DNAH5: variants seen among roughly 807,000 people sequenced by gnomAD.
DNAH5 encodes dynein axonemal heavy chain 5, also known as axonemal beta dynein heavy chain 5.
Under a neutral mutation model 518.2 loss-of-function variants are expected in DNAH5, and 372 were observed. That is an observed-to-expected ratio of 0.72 (90% CI 0.66 to 0.78). The LOEUF (loss-of-function observed/expected upper bound fraction) is 0.78. Among genes scored for constraint, DNAH5 ranks in the 30% least tolerant of loss-of-function variants. The pLI is 0.00. For synonymous variants in DNAH5, 2,039 were observed against 2,025.9 expected, an observed-to-expected ratio of 1.01 and a Z score of -0.17; for missense variants, 5,523 against 5,687.0, an observed-to-expected ratio of 0.97 and a Z score of 0.93.
At chr5:13,864,796 G>C (rs1175868815) in intron 27 of DNAH5, among the ~76,000 whole-genome samples, 159 bp from the exon 28 acceptor site, 1 of 152,056 alleles carries the variant, frequency 6.6e-6, no homozygotes, top group Non-Finnish European at 1.5e-5. Flanking sequence ...ATAATATACA[G>C]ATGACTTTTA....
chr5:13,782,761 C>T (rs1476692012), intron 52 of DNAH5, among the ~76,000 whole-genome samples: 1 of 152,220 alleles, frequency 6.6e-6, no homozygotes. Context: ...ACCCTCAAAA[C>T]ATATCTGACA....
chr5:13,744,426 T>C (rs1749047212), intron 65 of DNAH5, among the ~76,000 whole-genome samples: 2 of 152,016 alleles, frequency 1.3e-5, no homozygotes, highest in Admixed American at 6.6e-5. Flanking sequence ...TTTTATAGCA[T>C]TACAGGATGA....
intron 4 of DNAH5, 46 bp downstream of exon 4, chr5:13,923,234 T>G: frequency 6.2e-7 from 1 of 1,608,686 alleles, no homozygotes; most frequent in Non-Finnish European, 8.5e-7. Flanking sequence ...GTGCAAGTTG[T>G]GTGTTTTTTG....
In DNAH5 at chr5:13,847,096, A is replaced by G. The variant is rs959564071; in HGVS notation, c.5115-2103T>C. 5.3e-5 allele frequency among the ~76,000 whole-genome samples: 8 copies of G among 152,156 alleles called. No homozygotes were observed. In the East Asian group the frequency reaches 1.5e-3, roughly 29 times the overall value. ...CAGCCAAACTCCTGAGACGGTATAG[A>G]GAAGATACCTTATCTTCACGGACAC... On this transcript the variant is annotated intron_variant, in intron 31 of 78. Coordinates refer to ENST00000265104, the MANE Select transcript of DNAH5 (RefSeq NM_001369.3).
chr5:13,758,512 A>T (rs1410560402), intron 61 of DNAH5, among the ~76,000 whole-genome samples: 1 of 152,322 alleles, frequency 6.6e-6, no homozygotes, highest in East Asian at 1.9e-4. Flanking sequence ...AAATAAATAA[A>T]TAAACCCACC....
intron 78 of DNAH5, among the ~76,000 whole-genome samples, chr5:13,698,703 C>G (rs1443683005): frequency 6.6e-6 from 1 of 152,024 alleles, no homozygotes; most frequent in South Asian, 2.1e-4. Flanking sequence ...GGAAAAAGTA[C>G]CCCCCAAAAA....
intron 1 of DNAH5, among the ~76,000 whole-genome samples, chr5:13,942,411 G>A (rs959482695): frequency 3.9e-5 from 6 of 151,998 alleles, no homozygotes; most frequent in East Asian, 1.9e-4. Context: ...GGTCATTTTC[G>A]ATCATGAAGT....
upstream of DNAH5, among the ~76,000 whole-genome samples, chr5:13,949,416 CA>C (rs1341511767): frequency 2.0e-5 from 3 of 152,158 alleles, no homozygotes; most frequent in Non-Finnish European, 4.4e-5. Context: ...GCTATACTCA[CA>C]AAAGAAGATA....
In DNAH5 at chr5:13,867,480, GT is replaced by G. The variant is rs142198778; in HGVS notation, c.4053+293del. 2.0e-3 allele frequency among the ~76,000 whole-genome samples: 307 copies of G among 152,194 alleles called. 2 individuals are homozygous for G. The highest frequency in any genetic ancestry group is 7.2e-3 in the African/African-American group (300 of 41,532). On this transcript the variant is annotated intron_variant, in intron 25 of 78. Transcript: ENST00000265104. ...CCTTTGCCTTCCACCATGATTGTAA[GT>G]TTCGTGAGGCCTCCCAAGCCATGCT...
At chr5:13,810,283 T>A in intron 44 of DNAH5, 23 bp from the exon 45 acceptor site, 1 of 1,546,630 alleles carries the variant, frequency 6.5e-7, no homozygotes, top group Non-Finnish European at 8.7e-7. Context: ...GACACTTTTT[T>A]TTAATAACTT....
chr5:13,960,492 G>A (rs1054116379), intron 1 of DNAH5, among the ~76,000 whole-genome samples: 5 of 152,192 alleles, frequency 3.3e-5, no homozygotes, highest in Non-Finnish European at 7.3e-5. Flanking sequence ...GAACACAGAC[G>A]TATTTATTCA....
chr5:13,873,754 G>T (rs1770476453), intron 22 of DNAH5, among the ~76,000 whole-genome samples: 1 of 152,076 alleles, frequency 6.6e-6, no homozygotes, highest in South Asian at 2.1e-4. Flanking sequence ...TCTCATCTCG[G>T]CCTCCTAAAG....
rs951244009 is a variant in DNAH5, at chr5:13,698,797, T to C, written c.13723+1843A>G. On this transcript the variant is annotated intron_variant, in intron 78 of 78. Coordinates refer to ENST00000265104, the MANE Select transcript of DNAH5 (RefSeq NM_001369.3). ...TGGAACAAGAAGGCACAGCCTCACC[T>C]TGTTTGGCCCCAGCTAGAAATATGT... 3.9e-5 allele frequency among the ~76,000 whole-genome samples: 6 copies of C among 152,232 alleles called. No individual in the cohort carries two copies. The South Asian group carries it at 1.2e-3, about 32-fold the overall frequency.
At chr5:13,754,782 C>A (rs1750751648) in intron 61 of DNAH5, among the ~76,000 whole-genome samples, 1 of 151,946 alleles carries the variant, frequency 6.6e-6, no homozygotes, top group Non-Finnish European at 1.5e-5. Flanking sequence ...AGGTGATCCG[C>A]CAACCTAAGC....
intron 1 of DNAH5, among the ~76,000 whole-genome samples, chr5:13,955,956 G>T (rs1188151913): frequency 6.6e-6 from 1 of 152,084 alleles, no homozygotes; most frequent in Non-Finnish European, 1.5e-5. Context: ...TCCTTGCCAA[G>T]AGCGTGCAAC....
chr5:13,842,401 AGAGC>A (rs1765302188), intron 32 of DNAH5, among the ~76,000 whole-genome samples: 1 of 145,836 alleles, frequency 6.9e-6, no homozygotes, highest in Non-Finnish European at 1.5e-5. Context: ...AGAAAGAAAC[AGAGC>A]GAGAAAGAAA....
rs1485742988 is a variant in DNAH5, at chr5:13,754,318, C to T, written c.10440G>A (p.Glu3480=). The change falls in exon 62 of 79, where the codon GAG becomes GAA. Residue 3480 remains glutamate, a synonymous_variant. Transcript: ENST00000265104. ...CTGTCTGCATCTTGTGTCTGCATCG[C>T]TCTGCATCTTCAAGCAAGGTCTAAC... The part of the protein sequence containing the change: ...TEKQTLLEDA[E]RCRHKMQTAS... 1.2e-6 allele frequency: 2 copies of T among 1,614,094 alleles called. No individual in the cohort carries two copies. The highest frequency in any genetic ancestry group is 2.7e-5 in the African/African-American group (2 of 75,034).
chr5:14,000,508 T>A (rs940868440), intron 1 of DNAH5, among the ~76,000 whole-genome samples: 2 of 152,192 alleles, frequency 1.3e-5, no homozygotes, highest in Admixed American at 6.5e-5. Flanking sequence ...AGCATTTTTT[T>A]AATGTTTGTT....
At chr5:13,733,415 T>TC in intron 68 of DNAH5, among the ~76,000 whole-genome samples, 1 of 152,218 alleles carries the variant, frequency 6.6e-6, no homozygotes. Flanking sequence ...GGAACAACAA[T>TC]CCATTGAAAA....
Sources: gnomAD v4.1 joint callset for allele counts (sites outside exome capture counted in the v4.1 genomes callset) on GRCh38, gnomAD v4.1.1 for gene constraint, MANE v1.5 for transcripts, NCBI Gene and HGNC (gene_info 2026-07-23, HGNC 2026-07-21) for gene names.